TTLL5: variants seen among roughly 807,000 people sequenced by gnomAD.
TTLL5 encodes the protein tubulin tyrosine ligase like 5, also known as tubulin polyglutamylase TTLL5.
TTLL5 carries 132 observed loss-of-function variants against 168.4 expected under a neutral mutation model. The ratio of observed to expected loss-of-function variants is 0.78; its 90% CI spans 0.68 to 0.91. The LOEUF is 0.91. Among genes scored for constraint, TTLL5 ranks in the 40% least tolerant of loss-of-function variants. The probability of loss-of-function intolerance (pLI) is 0.00; values close to 1 mark genes in which losing one functional copy is unlikely to be tolerated. For missense variants in TTLL5, 1,545 were observed against 1,581.5 expected (o/e 0.98, Z 0.39); for synonymous variants, 546 against 558.6 (o/e 0.98, Z 0.32).
intron 27 of TTLL5, among the ~76,000 whole-genome samples, chr14:75,810,903 T>G (rs1893955953): frequency 6.6e-6 from 1 of 152,098 alleles, no homozygotes; most frequent in African/African-American, 2.4e-5. Flanking sequence ...CTCTCTAAAA[T>G]TATTCAGGGC....
intron 27 of TTLL5, among the ~76,000 whole-genome samples, chr14:75,812,841 A>G (rs1281645464): frequency 6.6e-6 from 1 of 152,080 alleles, no homozygotes; most frequent in African/African-American, 2.4e-5. Context: ...TGAAAATGCA[A>G]ATTTTGGTTC....
At chr14:75,708,875 AGG>A (rs929963621) in intron 9 of TTLL5, among the ~76,000 whole-genome samples, 27 of 152,192 alleles carry the variant, frequency 1.8e-4, no homozygotes, top group African/African-American at 6.5e-4. Flanking sequence ...GATATAGAGC[AGG>A]GGTGTCCAAT....
chr14:75,925,833 G>A (rs902289263), intron 31 of TTLL5, among the ~76,000 whole-genome samples: 3 of 152,024 alleles, frequency 2.0e-5, no homozygotes, highest in Admixed American at 6.5e-5. Context: ...CGGATCACTC[G>A]CGGTTAGGAG....
chr14:75,891,884 G>A (rs1410057583), intron 30 of TTLL5, among the ~76,000 whole-genome samples: 3 of 152,132 alleles, frequency 2.0e-5, no homozygotes, highest in African/African-American at 7.2e-5. Context: ...CTTATGTCTT[G>A]GAGTTGTTCA....
At chr14:75,884,730 C>G (rs1276404878) in intron 30 of TTLL5, among the ~76,000 whole-genome samples, 3 of 152,192 alleles carry the variant, frequency 2.0e-5, no homozygotes, top group African/African-American at 7.2e-5. Flanking sequence ...CTTGAACATT[C>G]TCTCACTTAC....
chr14:75,888,333 A>G (rs2140043329), intron 30 of TTLL5, among the ~76,000 whole-genome samples: 1 of 152,248 alleles, frequency 6.6e-6, no homozygotes, highest in East Asian at 1.9e-4. Context: ...TCATATTGGC[A>G]TAATTTAAAT....
At chr14:75,803,856 G>C (rs1893485903) in intron 27 of TTLL5, among the ~76,000 whole-genome samples, 1 of 152,192 alleles carries the variant, frequency 6.6e-6, no homozygotes, top group Non-Finnish European at 1.5e-5. Context: ...AGAATGTGGT[G>C]AATTAGCCCA....
In TTLL5 at chr14:75,887,353, A is replaced by C. The variant is rs1004217414; in HGVS notation, c.3740+4451A>C. 21 of 981,840 alleles carry C rather than the reference A, an allele frequency of 2.1e-5. No individual in the cohort carries two copies. The African/African-American group carries it at 3.7e-4, about 17-fold the overall frequency. 60.8% of individuals were successfully genotyped at this position (981,840 alleles called of 1,614,324 possible). A position where few individuals can be genotyped will look rare whatever the true frequency, so the allele number is the denominator to read the frequency against. On this transcript the variant is annotated intron_variant, in intron 30 of 31. Transcript: ENST00000298832. ...CATTAAAGTGAGAAGATTTAAGGGC[A>C]AAGTAATTAGGACTTAATAATTGTC...
At chr14:75,892,574 G>A (rs2032454413) in intron 30 of TTLL5, among the ~76,000 whole-genome samples, 1 of 152,164 alleles carries the variant, frequency 6.6e-6, no homozygotes, top group South Asian at 2.1e-4. Context: ...CATCTAGTGG[G>A]TAGACTCTAC....
intron 26 of TTLL5, among the ~76,000 whole-genome samples, chr14:75,787,400 C>T (rs990276431): frequency 2.0e-5 from 3 of 152,078 alleles, no homozygotes; most frequent in African/African-American, 7.2e-5. Context: ...ATAAAACTTT[C>T]TTACAGATAA....
Position 75,783,145 on chromosome 14 carries a change from AG to A in TTLL5, c.2603del. ...TGTCTTGTTTTGTTTTGTTTTTAAT[AG>A]GATTTACCACTTCAGCAGAAAAAGA... is the stretch of plus-strand genomic sequence containing the variant. On this transcript the variant is annotated splice_acceptor_variant, in intron 25 of 31. Transcript: ENST00000298832. LOFTEE classifies it high-confidence loss of function. The A allele has an allele frequency of 6.3e-6, 10 of 1,597,432 alleles. No individual in the cohort carries two copies. Among genetic ancestry groups the A allele is most frequent in the Non-Finnish European group, 8.5e-6 (10 of 1,174,432 alleles).
chr14:75,806,275 T>G (rs1234812654), intron 27 of TTLL5, among the ~76,000 whole-genome samples: 1 of 152,086 alleles, frequency 6.6e-6, no homozygotes, highest in Non-Finnish European at 1.5e-5. Context: ...AAGTGATCTG[T>G]CCGCTTCAGC....
chr14:75,809,224 T>G (rs1259790634), intron 27 of TTLL5, among the ~76,000 whole-genome samples: 1 of 152,196 alleles, frequency 6.6e-6, no homozygotes, highest in African/African-American at 2.4e-5. Context: ...TTCAAATACC[T>G]TCACCCTCAA....
intron 27 of TTLL5, among the ~76,000 whole-genome samples, chr14:75,804,025 G>A (rs1394972883): frequency 1.3e-5 from 2 of 152,264 alleles, no homozygotes; most frequent in Non-Finnish European, 1.5e-5. Flanking sequence ...CCACCCAGGC[G>A]GGGGCTCCAG....
rs189179543 is a variant in TTLL5, at chr14:75,842,132, G to A, written c.3327-21535G>A. On this transcript the variant is annotated intron_variant, in intron 28 of 31. Coordinates refer to ENST00000298832, the MANE Select transcript of TTLL5 (RefSeq NM_015072.5). ...AGGATAAACTCCTAGAAGTGGAATT[G>A]TTGGATCAAATGTCCACTTTGAATT... Among the ~76,000 whole-genome samples the A allele has an allele frequency of 2.6e-5, 4 of 152,314 alleles. No homozygotes were observed. The East Asian group carries it at 7.7e-4, about 29-fold the overall frequency.
At chr14:75,839,643 G>A (rs117503259) in intron 28 of TTLL5, among the ~76,000 whole-genome samples, 2,224 of 152,220 alleles carry the variant, frequency 0.015, 18 homozygotes, top group South Asian at 0.026. Context: ...TGAACAGCAC[G>A]GGGGAAACCG....
intron 28 of TTLL5, among the ~76,000 whole-genome samples, chr14:75,852,713 T>C (rs968875390): frequency 1.3e-5 from 2 of 152,188 alleles, no homozygotes; most frequent in African/African-American, 4.8e-5. Context: ...CACTTAAAAA[T>C]CTTGTTCTAA....
chr14:75,800,748 T>C (rs999209550), intron 27 of TTLL5, among the ~76,000 whole-genome samples: 3 of 152,186 alleles, frequency 2.0e-5, no homozygotes, highest in African/African-American at 7.2e-5. Flanking sequence ...CTTCTGGGTC[T>C]AGCCCCCCAG....
At chr14:75,809,091 C>T (rs1245904616) in intron 27 of TTLL5, among the ~76,000 whole-genome samples, 1 of 151,932 alleles carries the variant, frequency 6.6e-6, no homozygotes, top group East Asian at 1.9e-4. Context: ...ATCCTTTTAT[C>T]AGTTGAAGTG....
Sources: allele counts gnomAD v4.1 joint callset (sites outside exome capture counted in the v4.1 genomes callset), GRCh38; gene constraint gnomAD v4.1.1; transcripts MANE v1.5; gene names NCBI Gene and HGNC (gene_info 2026-07-23, HGNC 2026-07-21).